The following FRMPD1 variants were observed in gnomAD, a reference collection of about 807,000 sequenced individuals.
FRMPD1 encodes the protein FERM and PDZ domain containing 1.
Under a neutral mutation model 117.8 loss-of-function variants are expected in FRMPD1, and 76 were observed. The observed-to-expected ratio is 0.65, with a 90% CI of 0.54 to 0.78. The LOEUF (loss-of-function observed/expected upper bound fraction) is 0.78. FRMPD1 is among the 30% of genes least tolerant of loss of function. FRMPD1 has a pLI of 0.00. For missense variants in FRMPD1, 1,786 were observed against 1,964.5 expected (o/e 0.91, Z 1.72); for synonymous variants, 783 against 770.4 (o/e 1.02, Z -0.27).
intron 1 of FRMPD1, among the ~76,000 whole-genome samples, chr9:37,670,737 A>G (rs1821322571): frequency 6.6e-6 from 1 of 152,236 alleles, no homozygotes; most frequent in Admixed American, 6.5e-5. Flanking sequence ...AGTAAAGTTA[A>G]TCTGCCATCA....
intron 7 of FRMPD1, among the ~76,000 whole-genome samples, chr9:37,729,382 CAAAAAAAA>C (rs60967717): frequency 6.2e-4 from 34 of 54,726 alleles, no homozygotes; most frequent in Admixed American, 2.2e-3. Context: ...GAGACCCTCT[CAAAAAAAA>C]AAAAAAAAAA....
At chr9:37,653,797 A>T (rs979107268) in intron 1 of FRMPD1, among the ~76,000 whole-genome samples, 13 of 152,150 alleles carry the variant, frequency 8.5e-5, no homozygotes, top group Admixed American at 7.2e-4. Context: ...TCTACAAAAA[A>T]TTTACAAATT....
intron 1 of FRMPD1, among the ~76,000 whole-genome samples, chr9:37,678,543 G>A (rs568293662): frequency 6.6e-6 from 1 of 152,174 alleles, no homozygotes; most frequent in Admixed American, 6.5e-5. Context: ...TTACAGGCAC[G>A]AGCCACCACA....
intron 2 of FRMPD1, among the ~76,000 whole-genome samples, chr9:37,696,352 G>T (rs1220192855): frequency 4.0e-5 from 6 of 151,874 alleles, no homozygotes; most frequent in African/African-American, 1.5e-4. Context: ...GCCATCATAT[G>T]GCTTTTCTCC....
intron 1 of FRMPD1, among the ~76,000 whole-genome samples, chr9:37,677,074 C>T (rs1022549718): frequency 7.2e-5 from 11 of 152,152 alleles, no homozygotes; most frequent in African/African-American, 2.7e-4. Flanking sequence ...AAAGTAGAGT[C>T]TAGAGTCCAG....
chr9:37,697,913 G>A (rs956282781), intron 2 of FRMPD1, among the ~76,000 whole-genome samples: 7 of 152,180 alleles, frequency 4.6e-5, no homozygotes, highest in Admixed American at 3.3e-4. Context: ...TCAGGAGTTC[G>A]AGACCAGCCT....
At chr9:37,673,035 A>G (rs1299629836) in intron 1 of FRMPD1, among the ~76,000 whole-genome samples, 2 of 152,140 alleles carry the variant, frequency 1.3e-5, no homozygotes, top group Non-Finnish European at 2.9e-5. Context: ...AAAACCAATC[A>G]TGCCTTCCCA....
intron 2 of FRMPD1, among the ~76,000 whole-genome samples, chr9:37,700,174 G>T (rs901336751): frequency 2.6e-5 from 4 of 152,110 alleles, no homozygotes; most frequent in Non-Finnish European, 5.9e-5. Context: ...AGTCTGGAAG[G>T]CTCCTGGACT....
chr9:37,616,190 C>T, the FRMPD1 span, among the ~76,000 whole-genome samples: 1 of 146,014 alleles, frequency 6.8e-6, no homozygotes, highest in African/African-American at 2.5e-5. Flanking sequence ...ATAATCTCAG[C>T]TCACTGCAAC....
chr9:37,689,471 A>G (rs554116759), intron 1 of FRMPD1, among the ~76,000 whole-genome samples: 4 of 152,298 alleles, frequency 2.6e-5, no homozygotes, highest in East Asian at 3.9e-4. Flanking sequence ...ACACAAACAC[A>G]TCAGATAACT....
At chr9:37,609,045 C>A in the FRMPD1 span, among the ~76,000 whole-genome samples, 1 of 152,038 alleles carries the variant, frequency 6.6e-6, no homozygotes, top group Non-Finnish European at 1.5e-5. Context: ...AATCCCAGCA[C>A]TTTGGGAGGC....
At chr9:37,736,141 C>G (rs1212108515) in intron 13 of FRMPD1, among the ~76,000 whole-genome samples, 1 of 151,878 alleles carries the variant, frequency 6.6e-6, no homozygotes, top group Non-Finnish European at 1.5e-5. Context: ...GCTGGGACTA[C>G]AGGCGCCCAC....
intron 1 of FRMPD1, among the ~76,000 whole-genome samples, chr9:37,666,947 C>G (rs4323559): frequency 0.17 from 25,824 of 151,934 alleles, 3,118 homozygotes; most frequent in East Asian, 0.47. Context: ...TCGGTTCCGT[C>G]CTCGCCTTGC....
chr9:37,647,333 C>G (rs532895944), upstream of FRMPD1, among the ~76,000 whole-genome samples: 2 of 151,856 alleles, frequency 1.3e-5, no homozygotes, highest in South Asian at 4.2e-4. Context: ...CACAGTGAAA[C>G]CCCGTCTCTA....
chr9:37,723,265 G>A (rs754086389), intron 6 of FRMPD1, among the ~76,000 whole-genome samples: 7 of 152,118 alleles, frequency 4.6e-5, no homozygotes, highest in Non-Finnish European at 8.8e-5. Context: ...TTGCCAAATT[G>A]CCTCCCATAA....
Position 37,707,465 on chromosome 9 carries a change from C to T in FRMPD1, c.151C>T (p.Leu51Phe), listed in dbSNP as rs1822752598. The change falls in exon 3 of 16, where the codon CTC becomes TTC. Residue 51 changes from leucine to phenylalanine, a missense_variant. By Grantham distance (22) the Leu-to-Phe change is conservative. Transcript: ENST00000377765. ...DGPARNPTQT[L>F]IPVRHTVKID... is the part of the protein sequence containing the mutation. ...GCCCGCCAGGAACCCAACTCAGACC[C>T]TCATCCCTGTGCGACACACAGTAAA... 1.2e-6 allele frequency: 2 copies of T among 1,613,878 alleles called. No homozygotes were observed. Among genetic ancestry groups the T allele is most frequent in the Non-Finnish European group, 1.7e-6 (2 of 1,179,890 alleles).
intron 14 of FRMPD1, among the ~76,000 whole-genome samples, chr9:37,739,832 G>A (rs1293970457): frequency 6.6e-6 from 1 of 152,140 alleles, no homozygotes; most frequent in Non-Finnish European, 1.5e-5. Context: ...TTGGAGGTGG[G>A]GATGGAGTTA....
intron 7 of FRMPD1, among the ~76,000 whole-genome samples, chr9:37,727,758 A>G (rs1310513152): frequency 6.6e-6 from 1 of 150,956 alleles, no homozygotes; most frequent in East Asian, 2.0e-4. Flanking sequence ...AGTCATGAGG[A>G]GGGAGGAAAT....
Position 37,733,632 on chromosome 9 carries a change from TGTC to T in FRMPD1, c.1122+37_1122+39del, listed in dbSNP as rs759854327. ...AGGTGCCTCTGCCGACCCACTCAGC[TGTC>T]GTCTGTGAAACCTTAGGAAAAACAT... On this transcript the variant is annotated intron_variant, in intron 11 of 15. Coordinates refer to ENST00000377765, the MANE Select transcript of FRMPD1 (RefSeq NM_014907.3). 4.4e-5 allele frequency: 71 copies of T among 1,612,060 alleles called. 1 individual carries two copies. In the South Asian group the frequency reaches 5.6e-4, roughly 13 times the overall value.
Sources: allele counts gnomAD v4.1 joint callset (sites outside exome capture counted in the v4.1 genomes callset), GRCh38; gene constraint gnomAD v4.1.1; transcripts MANE v1.5; gene names NCBI Gene and HGNC (gene_info 2026-07-23, HGNC 2026-07-21).